MINAR1: variants seen among roughly 807,000 people sequenced by gnomAD.
MINAR1 encodes major intrinsically disordered Notch2-binding receptor 1.
A neutral mutation model predicts 65.1 loss-of-function variants in MINAR1; 40 were observed. The observed-to-expected ratio is 0.61, with a 90% confidence interval of 0.48 to 0.80. The LOEUF (loss-of-function observed/expected upper bound fraction) is 0.80. Among genes scored for constraint, MINAR1 ranks in the 30% least tolerant of loss-of-function variants. The probability of loss-of-function intolerance (pLI) is 0.00; values close to 1 mark genes in which losing one functional copy is unlikely to be tolerated. For missense variants in MINAR1, 1,128 were observed against 1,148.0 expected, an observed-to-expected ratio of 0.98 and a Z score of 0.25; for synonymous variants, 482 against 449.1, an observed-to-expected ratio of 1.07 and a Z score of -0.93.
At chr15:79,466,068 G>A (rs1010992222) in intron 3 of MINAR1, among the ~76,000 whole-genome samples, 9 of 151,256 alleles carry the variant, frequency 6.0e-5, no homozygotes, top group African/African-American at 2.2e-4. Context: ...TGCAAAGGCT[G>A]AAGGGTTGGA....
In MINAR1 at chr15:79,469,262, T is replaced by C. The variant is rs1422558620; in HGVS notation, c.*878T>C. On this transcript the variant is annotated 3_prime_UTR_variant, in exon 4 of 4. Transcript: ENST00000305428. ...TACCAGATGCTCTGCCTCTCATACA[T>C]GAGTTGAAGAGTTTGGAACTTGTCC... 1 of 152,654 alleles carries C rather than the reference T, an allele frequency of 6.6e-6. No homozygotes were observed. The highest frequency in any genetic ancestry group is 1.5e-5 in the Non-Finnish European group (1 of 68,044). 9.5% of individuals were successfully genotyped at this position (152,654 alleles called of 1,614,324 possible).
chr15:79,464,252 CATA>C (rs1188348380), intron 3 of MINAR1, among the ~76,000 whole-genome samples: 1 of 152,192 alleles, frequency 6.6e-6, no homozygotes, highest in Middle Eastern at 3.2e-3. Flanking sequence ...GTTAAATGGA[CATA>C]ATAATATCAA....
chr15:79,468,883 C>A lies in MINAR1; in HGVS notation c.*499C>A. 6.1e-6 allele frequency: 1 copy of A among 163,338 alleles called. No individual in the cohort carries two copies. Among genetic ancestry groups the A allele is most frequent in the Non-Finnish European group, 1.4e-5 (1 of 73,708 alleles). 10.1% of individuals were successfully genotyped at this position (163,338 alleles called of 1,614,324 possible). A position where few individuals can be genotyped will look rare whatever the true frequency, so the allele number is the denominator to read the frequency against. On this transcript the variant is annotated 3_prime_UTR_variant, in exon 4 of 4. Transcript: ENST00000305428. ...GGGTGTGTGTCCCTAAAGGGTATTA[C>A]TTCTCTGTCGACTTTTATCAAGGGC...
At chr15:79,449,171 G>C (rs1244311275) in intron 1 of MINAR1, among the ~76,000 whole-genome samples, 1 of 152,186 alleles carries the variant, frequency 6.6e-6, no homozygotes, top group South Asian at 2.1e-4. Context: ...CGCTGTATAC[G>C]GGTAGGAGGT....
chr15:79,456,734 A>C lies in MINAR1; in HGVS notation c.587A>C (p.Gln196Pro). Residue 196 changes from glutamine (Q) to proline (P), a missense_variant, in exon 2 of 4, where the codon CAG becomes CCG. Gln to Pro is a moderately conservative substitution (Grantham distance 76, BLOSUM62 -1). Transcript: ENST00000305428. ...KNRAASLDRL[Q>P]ALAPYSVTSP... ...CGCGCCGCTTCCCTGGACAGGTTGC[A>C]GGCCCTGGCTCCGTACTCTGTGACC... The C allele has an allele frequency of 6.2e-7, 1 of 1,614,230 alleles. No individual in the cohort carries two copies. Among genetic ancestry groups the C allele is most frequent in the Non-Finnish European group, 8.5e-7 (1 of 1,180,052 alleles).
At chr15:79,428,080 G>A (rs1457035509), upstream of MINAR1, among the ~76,000 whole-genome samples, 3 of 152,140 alleles carry the variant, frequency 2.0e-5, no homozygotes, top group African/African-American at 4.8e-5. Flanking sequence ...CAGTTTTCCC[G>A]TGCCCAATTC....
chr15:79,463,901 A>G (rs1306283788), intron 3 of MINAR1: 1 of 379,634 alleles, frequency 2.6e-6, no homozygotes, highest in Non-Finnish European at 5.2e-6. Flanking sequence ...CACTGGGTTG[A>G]TCTGTGTCTC....
chr15:79,444,628 C>T (rs78021655), intron 1 of MINAR1, among the ~76,000 whole-genome samples: 14,656 of 151,808 alleles, frequency 0.097, 2,324 homozygotes, highest in African/African-American at 0.33. Flanking sequence ...GTAGTATTTT[C>T]ATTACATTTA....
chr15:79,444,811 A>T (rs531585122), intron 1 of MINAR1, among the ~76,000 whole-genome samples: 12 of 151,440 alleles, frequency 7.9e-5, no homozygotes, highest in East Asian at 3.9e-4. Flanking sequence ...TCATTTTTTT[A>T]AAAATTTGTA....
At position 79,471,186 on chromosome 15, in the gene MINAR1, C is replaced by G. The variant is rs1436669225; in HGVS notation, c.*2802C>G. ...TACTGTACTGGGTGCCATCTCCCAC[C>G]ATACTCTGGCATTTTTATGTAAAGG... On this transcript the variant is annotated 3_prime_UTR_variant, in exon 4 of 4. Coordinates refer to ENST00000305428, the MANE Select transcript of MINAR1 (RefSeq NM_015206.3). 2.0e-5 allele frequency: 3 copies of G among 152,178 alleles called. No homozygotes were observed. Among genetic ancestry groups the G allele is most frequent in the Admixed American group, 2.0e-4 (3 of 15,272 alleles). The allele number at this position is 152,178 out of a possible 1,614,324, so 9.4% of individuals were successfully genotyped here. A position where few individuals can be genotyped will look rare whatever the true frequency, so the allele number is the denominator to read the frequency against.
chr15:79,445,272 T>A (rs1004945671), intron 1 of MINAR1, among the ~76,000 whole-genome samples: 1 of 152,142 alleles, frequency 6.6e-6, no homozygotes, highest in African/African-American at 2.4e-5. Context: ...AAGTAGATAC[T>A]ATTATCATCC....
At chr15:79,442,098 A>C (rs1159340034) in intron 1 of MINAR1, among the ~76,000 whole-genome samples, 1 of 149,808 alleles carries the variant, frequency 6.7e-6, no homozygotes, top group Non-Finnish European at 1.5e-5. Context: ...ATGGTAAGCA[A>C]TTTTTATCTA....
the MINAR1 span, chr15:79,419,902 G>A: frequency 2.0e-5 from 3 of 152,060 alleles, no homozygotes; most frequent in Middle Eastern, 3.2e-3. Flanking sequence ...AAGAATGGTG[G>A]TGAGAAGAAT....
intron 1 of MINAR1, among the ~76,000 whole-genome samples, chr15:79,454,041 T>A (rs1895329193): frequency 6.6e-6 from 1 of 152,224 alleles, no homozygotes; most frequent in South Asian, 2.1e-4. Flanking sequence ...CTCTGATATC[T>A]ACACCCATTC....
upstream of MINAR1, among the ~76,000 whole-genome samples, chr15:79,430,888 T>TTC (rs1567046709): frequency 4.6e-5 from 7 of 152,234 alleles, no homozygotes; most frequent in African/African-American, 1.7e-4. Flanking sequence ...GTTTTGTTTT[T>TTC]AAAAAACTTT....
intron 1 of MINAR1, among the ~76,000 whole-genome samples, chr15:79,433,800 G>T (rs1210195912): frequency 6.6e-6 from 1 of 152,202 alleles, no homozygotes; most frequent in Admixed American, 6.5e-5. Flanking sequence ...GCAGGTGGAA[G>T]CTAGCTCACT....
chr15:79,471,284 TAATAA>T lies in MINAR1; in HGVS notation c.*2905_*2909del, dbSNP rs1204944511. 1 of 152,568 alleles carries T rather than the reference TAATAA, an allele frequency of 6.6e-6. No individual in the cohort carries two copies. The highest frequency in any genetic ancestry group is 1.5e-5 in the Non-Finnish European group (1 of 68,042). The allele number at this position is 152,568 out of a possible 1,614,324, so 9.5% of individuals were successfully genotyped here. A position where few individuals can be genotyped will look rare whatever the true frequency, so the allele number is the denominator to read the frequency against. On this transcript the variant is annotated 3_prime_UTR_variant, in exon 4 of 4. Coordinates refer to ENST00000305428, the MANE Select transcript of MINAR1 (RefSeq NM_015206.3). ...CTTCGTTTTTCCTGCATTTTAAAAGTAATAAAATATTATTTGAGATTATTTTGAAA... is the reference window on the plus strand; with the variant it reads ...CTTCGTTTTTCCTGCATTTTAAAAGTAATATTATTTGAGATTATTTTGAAA...
chr15:79,454,475 G>C (rs1025512374), intron 1 of MINAR1, among the ~76,000 whole-genome samples: 1 of 152,190 alleles, frequency 6.6e-6, no homozygotes, highest in Non-Finnish European at 1.5e-5. Flanking sequence ...AATTTTCTAA[G>C]CAGTATGCGA....
intron 1 of MINAR1, among the ~76,000 whole-genome samples, chr15:79,446,252 A>C (rs1895014941): frequency 6.6e-6 from 1 of 152,312 alleles, no homozygotes; most frequent in African/African-American, 2.4e-5. Context: ...GTAATTTAAA[A>C]GTTTTAATTC....
Sources: allele counts gnomAD v4.1 joint callset (sites outside exome capture counted in the v4.1 genomes callset), GRCh38; gene constraint gnomAD v4.1.1; transcripts MANE v1.5; gene names NCBI Gene and HGNC (gene_info 2026-07-23, HGNC 2026-07-21).